Variants in B3GALNT2 observed in about 807,000 individuals in gnomAD.
B3GALNT2 encodes the protein UDP-GalNAc:beta-1,3-N-acetylgalactosaminyltransferase 2.
Under a neutral mutation model 61.1 loss-of-function variants are expected in B3GALNT2, and 53 were observed. The observed-to-expected ratio is 0.87, with a 90% confidence interval of 0.70 to 1.09. The LOEUF (loss-of-function observed/expected upper bound fraction) is 1.09. B3GALNT2 is among the 50% of genes least tolerant of loss of function. The probability of loss-of-function intolerance (pLI) is 0.00; values close to 1 mark genes in which losing one functional copy is unlikely to be tolerated. For missense variants in B3GALNT2, 544 were observed against 623.0 expected (o/e 0.87, Z 1.35); for synonymous variants, 223 against 237.4 (o/e 0.94, Z 0.56).
At chr1:235,458,862 A>C (rs1177210696) in intron 7 of B3GALNT2, 76 bp from the exon 8 acceptor site, 4 of 1,306,624 alleles carry the variant, frequency 3.1e-6, no homozygotes, top group Non-Finnish European at 4.1e-6. Flanking sequence ...TGTACACTAA[A>C]GTTCTTTTCC....
rs550547111 is a variant in B3GALNT2 at position 235,504,428 on chromosome 1, C to G, written c.-176G>C. The G allele has an allele frequency of 1.6e-6, 1 of 642,178 alleles. No homozygotes were observed. The highest frequency in any genetic ancestry group is 4.5e-5 in the Admixed American group (1 of 21,994). 39.8% of individuals were successfully genotyped at this position (642,178 alleles called of 1,614,324 possible). Reference sequence around the variant, plus strand: ...GCTCCCGGCCCCGCTCCTCCGGTCCCTCAGACCGCGGGTGGCCGCGGCTTA... The same window carrying G: ...GCTCCCGGCCCCGCTCCTCCGGTCCGTCAGACCGCGGGTGGCCGCGGCTTA... On this transcript the variant is annotated 5_prime_UTR_variant, in exon 1 of 12. Transcript: ENST00000366600.
chr1:235,481,388 GGAGT>G (rs1253648299), intron 4 of B3GALNT2, among the ~76,000 whole-genome samples: 1 of 152,214 alleles, frequency 6.6e-6, no homozygotes, highest in African/African-American at 2.4e-5. Flanking sequence ...CACCTAGGCT[GGAGT>G]GAGTGGTGCA....
chr1:235,480,246 C>A, intron 4 of B3GALNT2, 97 bp from the exon 5 acceptor site: 1 of 1,502,820 alleles, frequency 6.7e-7, no homozygotes, highest in Non-Finnish European at 8.9e-7. Flanking sequence ...TCAGCTAAAT[C>A]CACAATGGCC....
rs77267353 is a variant in B3GALNT2, at chr1:235,470,842, C to A, written c.762+8G>T. The A allele has an allele frequency of 9.8e-5, 157 of 1,606,438 alleles. No homozygotes were observed. The highest frequency in any genetic ancestry group is 1.3e-4 in the Non-Finnish European group (154 of 1,177,336). On this transcript the variant is annotated splice_region_variant and intron_variant, in intron 6 of 11. Transcript: ENST00000366600. ...TATGCAATTAAACCTTAAAAAAAAA[C>A]GACTTACTGTAATGACTCTGAGAAC... is the stretch of plus-strand genomic sequence containing the variant.
chr1:235,478,193 C>T (rs1684376738), intron 5 of B3GALNT2, among the ~76,000 whole-genome samples: 1 of 152,110 alleles, frequency 6.6e-6, no homozygotes, highest in Non-Finnish European at 1.5e-5. Context: ...ACTGGGATTA[C>T]AGGAGCCTAC....
chr1:235,492,697 A>C (rs906548456), intron 2 of B3GALNT2, among the ~76,000 whole-genome samples: 3 of 151,612 alleles, frequency 2.0e-5, no homozygotes, highest in Admixed American at 6.6e-5. Flanking sequence ...AAGTGTTACC[A>C]AAAAAAAATT....
At chr1:235,496,285 TG>T in intron 1 of B3GALNT2, 2 of 679,304 alleles carry the variant, frequency 2.9e-6, no homozygotes, top group South Asian at 2.2e-5. Flanking sequence ...CACTCCAGCC[TG>T]GGCAACAAGA....
Position 235,448,206 on chromosome 1 carries a change from A to C in B3GALNT2, c.*2000T>G, listed in dbSNP as rs112398616. The C allele has an allele frequency of 0.014, 10,165 of 716,800 alleles. 108 individuals carry two copies. Among genetic ancestry groups the C allele is most frequent in the African/African-American group, 0.035 (1,837 of 52,700 alleles). 44.4% of individuals were successfully genotyped at this position (716,800 alleles called of 1,614,324 possible). A position where few individuals can be genotyped will look rare whatever the true frequency, so the allele number is the denominator to read the frequency against. ...CAGAGCAAGACTTACTTAAGTAAGT[A>C]AGTAAGTCAGTCTCAAAAAAAAAAA... On this transcript the variant is annotated 3_prime_UTR_variant, in exon 12 of 12. Coordinates refer to ENST00000366600, the MANE Select transcript of B3GALNT2 (RefSeq NM_152490.5).
At chr1:235,461,927 G>A (rs183983162) in intron 7 of B3GALNT2, among the ~76,000 whole-genome samples, 1 of 152,286 alleles carries the variant, frequency 6.6e-6, no homozygotes, top group African/African-American at 2.4e-5. Flanking sequence ...TTTCTCATGT[G>A]ACTACAGTCT....
intron 1 of B3GALNT2, among the ~76,000 whole-genome samples, chr1:235,501,242 T>G (rs139870679): frequency 1.3e-5 from 2 of 152,358 alleles, no homozygotes; most frequent in African/African-American, 2.4e-5. Context: ...CACCTGCATT[T>G]TCCTCTGTCA....
chr1:235,456,950 C>A (rs1406932931), intron 8 of B3GALNT2, among the ~76,000 whole-genome samples: 1 of 151,950 alleles, frequency 6.6e-6, no homozygotes, highest in African/African-American at 2.4e-5. Context: ...TTCGACACAC[C>A]CAGATTTCCA....
In B3GALNT2 at chr1:235,489,160, T is replaced by C; in HGVS notation, c.361+8A>G. 3 of 1,613,448 alleles carry C rather than the reference T, an allele frequency of 1.9e-6. No homozygotes were observed. Among genetic ancestry groups the C allele is most frequent in the Non-Finnish European group, 2.5e-6 (3 of 1,179,706 alleles). ...TGTGTATGGCAGTCAAGGGAAAAGA[T>C]GACTTACCTGGATTTGTGATGTTGA... On this transcript the variant is annotated splice_region_variant and intron_variant, in intron 3 of 11. Coordinates refer to ENST00000366600, the MANE Select transcript of B3GALNT2 (RefSeq NM_152490.5).
chr1:235,455,732 A>C (rs1683139160), intron 8 of B3GALNT2, 48 bp from the exon 9 acceptor site: 1 of 1,553,666 alleles, frequency 6.4e-7, no homozygotes, highest in African/African-American at 1.4e-5. Flanking sequence ...AAACAAACAA[A>C]CACCAATGCA....
intron 10 of B3GALNT2, 23 bp from the exon 11 acceptor site, chr1:235,453,169 A>C: frequency 3.8e-6 from 6 of 1,596,674 alleles, no homozygotes; most frequent in Non-Finnish European, 5.2e-6. Context: ...CATAAAGTTT[A>C]AATGTAAAAA....
chr1:235,495,963 T>C (rs560754959), intron 1 of B3GALNT2, among the ~76,000 whole-genome samples: 5 of 152,190 alleles, frequency 3.3e-5, no homozygotes, highest in Non-Finnish European at 7.4e-5. Flanking sequence ...AAGGATATAA[T>C]ACAGAAATTT....
rs760739673 is a variant in B3GALNT2, at chr1:235,448,365, A to G, written c.*1841T>C. On this transcript the variant is annotated 3_prime_UTR_variant, in exon 12 of 12. Transcript: ENST00000366600. ...TTTTGATAGGCTCCATGACAATTCAAAAGGTGAAGGGATTGCTGTCACGTC... is the reference window on the plus strand; with the variant it reads ...TTTTGATAGGCTCCATGACAATTCAGAAGGTGAAGGGATTGCTGTCACGTC... 3.1e-6 allele frequency: 5 copies of G among 1,614,064 alleles called. No individual in the cohort carries two copies. The highest frequency in any genetic ancestry group is 2.2e-5 in the East Asian group (1 of 44,896).
At chr1:235,484,748 T>A in intron 3 of B3GALNT2, 1 of 669,068 alleles carries the variant, frequency 1.5e-6, no homozygotes, top group Non-Finnish European at 2.3e-6. Flanking sequence ...TTATCAGAAC[T>A]GCTTTAATAG....
intron 8 of B3GALNT2, among the ~76,000 whole-genome samples, chr1:235,457,713 T>A (rs550768302): frequency 2.6e-4 from 40 of 152,080 alleles, no homozygotes; most frequent in Admixed American, 6.6e-4. Context: ...AGACTGGAAG[T>A]ATAAGGTGGA....
chr1:235,500,318 C>T (rs1222989668), intron 1 of B3GALNT2, among the ~76,000 whole-genome samples: 3 of 152,200 alleles, frequency 2.0e-5, no homozygotes, highest in South Asian at 2.1e-4. Context: ...CATGGCAAAA[C>T]GCAGTCTCTA....
Sources: gnomAD v4.1 joint callset for allele counts (sites outside exome capture counted in the v4.1 genomes callset) on GRCh38, gnomAD v4.1.1 for gene constraint, MANE v1.5 for transcripts, NCBI Gene and HGNC (gene_info 2026-07-23, HGNC 2026-07-21) for gene names.